TRDN: variants seen among roughly 807,000 people sequenced by gnomAD.
TRDN encodes triadin, also known as triadin in skeletal muscle.
In TRDN, 161 loss-of-function variants were observed where a neutral mutation model predicts 149.7. The ratio of observed to expected loss-of-function variants is 1.08; its 90% CI spans 0.95 to 1.23. The LOEUF (loss-of-function observed/expected upper bound fraction) is 1.23, where lower values mean the gene tolerates loss of function less well. TRDN is among the 50% of genes most tolerant of loss of function. The pLI is 0.00. For missense variants in TRDN, 896 were observed against 823.5 expected (o/e 1.09, Z -1.08); for synonymous variants, 294 against 250.5 (o/e 1.17, Z -1.64).
At chr6:123,496,069 T>C (rs1425101676) in intron 9 of TRDN, among the ~76,000 whole-genome samples, 1 of 147,126 alleles carries the variant, frequency 6.8e-6, no homozygotes. Flanking sequence ...TTAATATTAT[T>C]AATATTAATA....
At chr6:123,364,784 G>C (rs549382558) in intron 20 of TRDN, among the ~76,000 whole-genome samples, 1 of 152,240 alleles carries the variant, frequency 6.6e-6, no homozygotes, top group African/African-American at 2.4e-5. Context: ...ACATAAATCA[G>C]TGCCTTGGCC....
chr6:123,408,283 A>C (rs1241715329), intron 12 of TRDN, among the ~76,000 whole-genome samples: 1 of 152,208 alleles, frequency 6.6e-6, no homozygotes, highest in African/African-American at 2.4e-5. Flanking sequence ...GCATCTCACT[A>C]TACATGGTAC....
At chr6:123,239,958 T>C (rs957467729) in intron 38 of TRDN, among the ~76,000 whole-genome samples, 2 of 151,946 alleles carry the variant, frequency 1.3e-5, no homozygotes, top group Non-Finnish European at 2.9e-5. Context: ...TGAAAATAAG[T>C]AAAATATAAC....
chr6:123,285,980 C>T (rs769034637), intron 24 of TRDN, among the ~76,000 whole-genome samples: 12 of 151,992 alleles, frequency 7.9e-5, no homozygotes, highest in Non-Finnish European at 1.8e-4. Context: ...TATGATACCA[C>T]CTTACTCCTG....
intron 23 of TRDN, among the ~76,000 whole-genome samples, chr6:123,328,839 C>T (rs900054264): frequency 5.1e-4 from 77 of 152,240 alleles, no homozygotes; most frequent in African/African-American, 1.8e-3. Context: ...TTCCAATGAA[C>T]GTTATTGCCT....
chr6:123,287,400 C>A (rs893020166), intron 24 of TRDN, among the ~76,000 whole-genome samples: 1 of 152,096 alleles, frequency 6.6e-6, no homozygotes, highest in Admixed American at 6.6e-5. Context: ...ACAACAATAT[C>A]ACATAAGAAC....
At chr6:123,287,569 T>C (rs563969549) in intron 24 of TRDN, among the ~76,000 whole-genome samples, 27 of 152,226 alleles carry the variant, frequency 1.8e-4, no homozygotes, top group African/African-American at 6.3e-4. Context: ...ATTGTATATA[T>C]TATGTTTCAG....
intron 10 of TRDN, among the ~76,000 whole-genome samples, chr6:123,448,970 A>G (rs1441707260): frequency 2.0e-5 from 3 of 152,116 alleles, no homozygotes; most frequent in African/African-American, 7.2e-5. Flanking sequence ...GAAGAGAGAC[A>G]ACAATCACTG....
At chr6:123,488,987 G>A (rs1778090580) in intron 9 of TRDN, 1 of 151,984 alleles carries the variant, frequency 6.6e-6, no homozygotes, top group African/African-American at 2.4e-5. Context: ...TCCATAGCCT[G>A]GTGGAGAGTA....
intron 24 of TRDN, among the ~76,000 whole-genome samples, chr6:123,288,652 G>A (rs1337647345): frequency 6.9e-6 from 1 of 145,126 alleles, no homozygotes; most frequent in East Asian, 2.8e-4. Context: ...TAATCATGTG[G>A]GAAATATAAA....
intron 4 of TRDN, among the ~76,000 whole-genome samples, chr6:123,535,886 T>A (rs1780503042): frequency 6.6e-6 from 1 of 152,108 alleles, no homozygotes; most frequent in South Asian, 2.1e-4. Flanking sequence ...GATAGGAAAA[T>A]GTAGACATAG....
At chr6:123,520,106 T>G (rs1779603944) in intron 5 of TRDN, among the ~76,000 whole-genome samples, 1 of 152,152 alleles carries the variant, frequency 6.6e-6, no homozygotes. Context: ...TTCTTTTTTA[T>G]TTTTGGTAGC....
At chr6:123,411,326 T>C (rs1773434276) in intron 12 of TRDN, among the ~76,000 whole-genome samples, 1 of 152,096 alleles carries the variant, frequency 6.6e-6, no homozygotes, top group Non-Finnish European at 1.5e-5. Flanking sequence ...ATTAGAAGCA[T>C]GAGCCACCGC....
chr6:123,614,466 T>C (rs1473521482), intron 1 of TRDN, among the ~76,000 whole-genome samples: 1 of 151,422 alleles, frequency 6.6e-6, no homozygotes, highest in Admixed American at 6.6e-5. Context: ...TATTACACTA[T>C]TATATATAAA....
intron 9 of TRDN, among the ~76,000 whole-genome samples, chr6:123,495,450 C>T (rs1369249554): frequency 2.0e-5 from 3 of 150,170 alleles, no homozygotes; most frequent in Non-Finnish European, 4.4e-5. Flanking sequence ...ACCCAGGAGG[C>T]AGAGGTTGCA....
chr6:123,577,714 A>G (rs1265810788), intron 1 of TRDN, among the ~76,000 whole-genome samples: 2 of 152,304 alleles, frequency 1.3e-5, no homozygotes, highest in East Asian at 1.9e-4. Flanking sequence ...AGGAATCACC[A>G]TACTGCTTTC....
chr6:123,636,617 C>T, intron 1 of TRDN, 137 bp downstream of exon 1: 1 of 981,132 alleles, frequency 1.0e-6, no homozygotes, highest in Admixed American at 2.1e-5. Flanking sequence ...ATCCACTTCT[C>T]AGATCCTGTA....
intron 9 of TRDN, among the ~76,000 whole-genome samples, chr6:123,468,520 G>A (rs1776965863): frequency 6.6e-6 from 1 of 152,122 alleles, no homozygotes. Context: ...TGGGGCTAGT[G>A]TACAGTGTGC....
intron 38 of TRDN, among the ~76,000 whole-genome samples, chr6:123,242,421 A>G (rs975100956): frequency 4.6e-5 from 7 of 152,028 alleles, no homozygotes; most frequent in Non-Finnish European, 7.4e-5. Flanking sequence ...CTTCCTCCAA[A>G]CTCCATGAGA....
Sources: allele counts gnomAD v4.1 joint callset (sites outside exome capture counted in the v4.1 genomes callset), GRCh38; gene constraint gnomAD v4.1.1; transcripts MANE v1.5; gene names NCBI Gene and HGNC (gene_info 2026-07-23, HGNC 2026-07-21).